The following CACNA2D2 variants were observed in gnomAD, a reference collection of about 807,000 sequenced individuals.
The protein encoded by CACNA2D2 is voltage-dependent calcium channel subunit alpha-2/delta-2.
Under a neutral mutation model 166.4 loss-of-function variants are expected in CACNA2D2, and 48 were observed. The ratio of observed to expected loss-of-function variants is 0.29; its 90% CI spans 0.23 to 0.37. The LOEUF is 0.37. Ranked by LOEUF, CACNA2D2 falls within the 10% of genes least tolerant of loss-of-function variation. The pLI is 1.00. For synonymous variants in CACNA2D2, 561 were observed against 573.7 expected (o/e 0.98, Z 0.32); for missense variants, 1,122 against 1,433.0 (o/e 0.78, Z 3.50).
At chr3:50,368,387 G>A (rs1395969078) in intron 23 of CACNA2D2, 152 bp from the exon 24 acceptor site, 2 of 649,376 alleles carry the variant, frequency 3.1e-6, no homozygotes, top group African/African-American at 1.8e-5. Context: ...GCTGCTACAT[G>A]CCTGGCAGGC....
At chr3:50,373,260 G>A (rs907688923) in intron 22 of CACNA2D2, among the ~76,000 whole-genome samples, 13 of 151,628 alleles carry the variant, frequency 8.6e-5, no homozygotes, top group Admixed American at 7.9e-4. Context: ...TGCAAAAAAC[G>A]ACATGAGAGA....
At position 50,484,067 on chromosome 3, in the gene CACNA2D2, G is replaced by A. The variant is rs530637485; in HGVS notation, c.207-7868C>T. ...ACTGAAAGTGTCCGAAACGAGATCC[G>A]AGATCCTGACGGTCCCTTGGGATCG... is the stretch of plus-strand genomic sequence containing the variant. On this transcript the variant is annotated intron_variant, in intron 1 of 37. Coordinates refer to ENST00000424201, the MANE Select transcript of CACNA2D2 (RefSeq NM_006030.4). Among the ~76,000 whole-genome samples the A allele has an allele frequency of 9.9e-5, 15 of 152,248 alleles. No homozygotes were observed. The South Asian group carries it at 2.3e-3, about 23-fold the overall frequency.
intron 3 of CACNA2D2, among the ~76,000 whole-genome samples, chr3:50,403,107 T>C (rs1334398990): frequency 6.6e-6 from 1 of 152,124 alleles, no homozygotes; most frequent in African/African-American, 2.4e-5. Flanking sequence ...CAGCACATAA[T>C]TTGGGGAGCA....
chr3:50,406,305 G>A (rs1238475895), intron 3 of CACNA2D2, among the ~76,000 whole-genome samples: 1 of 151,794 alleles, frequency 6.6e-6, no homozygotes, highest in Non-Finnish European at 1.5e-5. Flanking sequence ...CCAGAAGGCT[G>A]TGCTCACTGG....
chr3:50,431,486 G>A (rs1192478578), intron 3 of CACNA2D2, among the ~76,000 whole-genome samples: 1 of 152,178 alleles, frequency 6.6e-6, no homozygotes, highest in Non-Finnish European at 1.5e-5. Flanking sequence ...CTGGCTCAGA[G>A]TCAGGGAGAC....
At chr3:50,393,051 G>A (rs1204489834) in intron 4 of CACNA2D2, among the ~76,000 whole-genome samples, 1 of 152,108 alleles carries the variant, frequency 6.6e-6, no homozygotes, top group Non-Finnish European at 1.5e-5. Flanking sequence ...TGGGGAGGAG[G>A]AACAGATTTA....
At chr3:50,422,121 C>T (rs1707598122) in intron 3 of CACNA2D2, among the ~76,000 whole-genome samples, 1 of 152,118 alleles carries the variant, frequency 6.6e-6, no homozygotes, top group South Asian at 2.1e-4. Context: ...CCCTGGCTGC[C>T]TCACCTTATC....
intron 1 of CACNA2D2, among the ~76,000 whole-genome samples, chr3:50,502,962 T>C (rs1699043453): frequency 6.6e-6 from 1 of 152,186 alleles, no homozygotes; most frequent in Admixed American, 6.5e-5. Flanking sequence ...TCCCGGGGCT[T>C]GAAGATCTTG....
In CACNA2D2 at chr3:50,386,899, C is replaced by T. The variant is rs117600296; in HGVS notation, c.510+669G>A. On this transcript the variant is annotated intron_variant, in intron 5 of 37. Coordinates refer to ENST00000424201, the MANE Select transcript of CACNA2D2 (RefSeq NM_006030.4). ...AACACCGTCTACTCCAAGTGCCCTA[C>T]ACCCTCAGACACTCGTCTTCTCTAC... 1.1e-3 allele frequency among the ~76,000 whole-genome samples: 165 copies of T among 152,340 alleles called. 1 individual carries two copies. In the East Asian group the frequency reaches 0.031, roughly 29 times the overall value.
At chr3:50,399,545 C>T (rs776760456) in intron 3 of CACNA2D2, among the ~76,000 whole-genome samples, 2 of 152,082 alleles carry the variant, frequency 1.3e-5, no homozygotes, top group Non-Finnish European at 2.9e-5. Flanking sequence ...GTAGCAATGA[C>T]AGGATATCAC....
intron 1 of CACNA2D2, among the ~76,000 whole-genome samples, chr3:50,483,688 G>A (rs535169294): frequency 6.6e-6 from 1 of 152,316 alleles, no homozygotes; most frequent in South Asian, 2.1e-4. Flanking sequence ...GGCCCACTCG[G>A]CTCTGCTTCT....
chr3:50,428,769 C>T (rs1238967133), intron 3 of CACNA2D2, among the ~76,000 whole-genome samples: 1 of 152,160 alleles, frequency 6.6e-6, no homozygotes, highest in Non-Finnish European at 1.5e-5. Flanking sequence ...GTCACTAGGT[C>T]ATCAGAGAGC....
intron 2 of CACNA2D2, among the ~76,000 whole-genome samples, chr3:50,471,082 A>G (rs1431961015): frequency 6.6e-6 from 1 of 152,062 alleles, no homozygotes; most frequent in Non-Finnish European, 1.5e-5. Flanking sequence ...CCCCACCCTG[A>G]TGCGCCCCAC....
chr3:50,368,663 T>C (rs1025945101), intron 23 of CACNA2D2, among the ~76,000 whole-genome samples: 9 of 152,244 alleles, frequency 5.9e-5, no homozygotes, highest in African/African-American at 1.7e-4. Flanking sequence ...ACCCTGCCTC[T>C]TCCTGGCTGT....
At chr3:50,405,457 T>C (rs1372800792) in intron 3 of CACNA2D2, among the ~76,000 whole-genome samples, 2 of 151,898 alleles carry the variant, frequency 1.3e-5, no homozygotes, top group Non-Finnish European at 2.9e-5. Context: ...TGGACAGAGG[T>C]AGGGAGGAGC....
intron 2 of CACNA2D2, among the ~76,000 whole-genome samples, chr3:50,448,805 C>T (rs1575702894): frequency 6.6e-6 from 1 of 152,252 alleles, no homozygotes; most frequent in Non-Finnish European, 1.5e-5. Context: ...ATCCCTAGAG[C>T]CAGGCCACCC....
chr3:50,468,248 C>T (rs1709905895), intron 2 of CACNA2D2, among the ~76,000 whole-genome samples: 1 of 152,176 alleles, frequency 6.6e-6, no homozygotes, highest in Non-Finnish European at 1.5e-5. Flanking sequence ...CATAGGCCGG[C>T]TGGGGTGACA....
chr3:50,451,073 C>G (rs562330984), intron 2 of CACNA2D2, among the ~76,000 whole-genome samples: 2 of 152,304 alleles, frequency 1.3e-5, no homozygotes, highest in South Asian at 4.1e-4. Flanking sequence ...CTTAGTGCCC[C>G]CTCCATGGAC....
At chr3:50,494,843 T>C (rs1698660580) in intron 1 of CACNA2D2, among the ~76,000 whole-genome samples, 2 of 151,878 alleles carry the variant, frequency 1.3e-5, no homozygotes, top group Admixed American at 1.3e-4. Flanking sequence ...CCTGGCTAAT[T>C]TTTGTATTTT....
Sources: allele counts gnomAD v4.1 joint callset (sites outside exome capture counted in the v4.1 genomes callset), GRCh38; gene constraint gnomAD v4.1.1; transcripts MANE v1.5; gene names NCBI Gene and HGNC (gene_info 2026-07-23, HGNC 2026-07-21).